FKTN: variants seen among roughly 807,000 people sequenced by gnomAD.
The protein encoded by FKTN is ribitol-5-phosphate transferase FKTN.
In FKTN, 47 loss-of-function variants were observed where a neutral mutation model predicts 58.6. The observed-to-expected ratio is 0.80, with a 90% CI of 0.63 to 1.02. The LOEUF is 1.02. Among genes scored for constraint, FKTN ranks in the 50% least tolerant of loss-of-function variants. The pLI is 0.00. For missense variants in FKTN, 516 were observed against 537.3 expected (o/e 0.96, Z 0.39); for synonymous variants, 178 against 191.9 (o/e 0.93, Z 0.60).
intron 10 of FKTN, among the ~76,000 whole-genome samples, chr9:105,630,347 C>A (rs1321932899): frequency 6.6e-6 from 1 of 152,058 alleles, no homozygotes; most frequent in African/African-American, 2.4e-5. Flanking sequence ...ATAAAATTTT[C>A]TAGAAAAATA....
Position 105,635,421 on chromosome 9 carries a change from T to C in FKTN, c.*157T>C. On this transcript the variant is annotated 3_prime_UTR_variant, in exon 11 of 11. Coordinates refer to ENST00000357998, the MANE Select transcript of FKTN (RefSeq NM_001079802.2). ...GAGTCATCTGATGTAATTCTCTCACTTAGTACTGAGGAATTTTCATGTGCC... is the reference window on the plus strand; with the variant it reads ...GAGTCATCTGATGTAATTCTCTCACCTAGTACTGAGGAATTTTCATGTGCC... 1 of 1,474,404 alleles carries C rather than the reference T, an allele frequency of 6.8e-7. No homozygotes were observed. The highest frequency in any genetic ancestry group is 8.9e-7 in the Non-Finnish European group (1 of 1,119,762). 91.3% of individuals were successfully genotyped at this position (1,474,404 alleles called of 1,614,324 possible).
chr9:105,577,524 C>G (rs1398606241), intron 3 of FKTN, among the ~76,000 whole-genome samples: 1 of 143,498 alleles, frequency 7.0e-6, no homozygotes, highest in African/African-American at 2.7e-5. Flanking sequence ...TTCCATTGAT[C>G]TATATCTCTG....
At chr9:105,593,948 G>C (rs1034430204) in intron 3 of FKTN, among the ~76,000 whole-genome samples, 10 of 152,210 alleles carry the variant, frequency 6.6e-5, no homozygotes, top group Admixed American at 5.9e-4. Flanking sequence ...CCCATTAGGA[G>C]TTTTGCTGTA....
chr9:105,635,502 T>C lies in FKTN; in HGVS notation c.*238T>C, dbSNP rs2133455182. ...CTAGATGAATGAGACAAATACCTACTTCTTTTATTCCTCCTTTTGGTAAAC... is the reference window on the plus strand; with the variant it reads ...CTAGATGAATGAGACAAATACCTACCTCTTTTATTCCTCCTTTTGGTAAAC... On this transcript the variant is annotated 3_prime_UTR_variant, in exon 11 of 11. Coordinates refer to ENST00000357998, the MANE Select transcript of FKTN (RefSeq NM_001079802.2). 8.6e-6 allele frequency: 12 copies of C among 1,389,684 alleles called. No individual in the cohort carries two copies. The South Asian group carries it at 1.9e-4, about 22-fold the overall frequency. 86.1% of individuals were successfully genotyped at this position (1,389,684 alleles called of 1,614,324 possible).
intron 1 of FKTN, among the ~76,000 whole-genome samples, chr9:105,566,723 G>A (rs1417085258): frequency 6.6e-6 from 1 of 152,186 alleles, no homozygotes; most frequent in South Asian, 2.1e-4. Flanking sequence ...GGTACAAGGA[G>A]GAGCTGGTAC....
chr9:105,585,896 G>A (rs1843810705), intron 3 of FKTN, among the ~76,000 whole-genome samples: 1 of 152,132 alleles, frequency 6.6e-6, no homozygotes, highest in Non-Finnish European at 1.5e-5. Flanking sequence ...AGTCATCCTT[G>A]AACTTCAAGG....
At chr9:105,590,882 A>G (rs1450705975) in intron 3 of FKTN, among the ~76,000 whole-genome samples, 1 of 141,798 alleles carries the variant, frequency 7.1e-6, no homozygotes, top group Non-Finnish European at 1.6e-5. Flanking sequence ...ACTTCTGGGG[A>G]GGCCTCAGGA....
intron 1 of FKTN, among the ~76,000 whole-genome samples, chr9:105,572,509 G>T (rs1587847430): frequency 6.6e-6 from 1 of 152,294 alleles, no homozygotes; most frequent in East Asian, 1.9e-4. Context: ...AGAGAATGCT[G>T]GTAGAAAGAG....
chr9:105,593,808 G>A (rs1161172436), intron 3 of FKTN, among the ~76,000 whole-genome samples: 5 of 152,182 alleles, frequency 3.3e-5, no homozygotes, highest in African/African-American at 9.7e-5. Flanking sequence ...AATAAGATAA[G>A]TATTGATAAT....
rs78518608 is a variant in FKTN, at chr9:105,561,282, A to T, written c.-181+3117A>T. On this transcript the variant is annotated intron_variant, in intron 1 of 10. Transcript: ENST00000357998. The stretch of plus-strand genomic sequence containing the variant: ...GAGCAAGACTCCATTTCTTAAAAAA[A>T]TAAAAACTTGTGTTACTTCAAAAAT... Among the ~76,000 whole-genome samples, 1,378 of 152,270 alleles carry T rather than the reference A, an allele frequency of 9.0e-3. 22 individuals carry two copies. Among genetic ancestry groups the T allele is most frequent in the African/African-American group, 0.032 (1,320 of 41,540 alleles).
intron 3 of FKTN, among the ~76,000 whole-genome samples, chr9:105,593,425 G>A (rs984525887): frequency 2.0e-5 from 3 of 152,174 alleles, no homozygotes; most frequent in Admixed American, 1.3e-4. Flanking sequence ...ATTTGGTGGG[G>A]CACAGATCCA....
At chr9:105,561,108 C>A (rs1475081133) in intron 1 of FKTN, among the ~76,000 whole-genome samples, 3 of 149,846 alleles carry the variant, frequency 2.0e-5, no homozygotes, top group Non-Finnish European at 4.5e-5. Context: ...AAAAACAAAA[C>A]AAAAAACAAA....
intron 10 of FKTN, among the ~76,000 whole-genome samples, chr9:105,623,389 C>G (rs919893139): frequency 6.6e-6 from 1 of 152,080 alleles, no homozygotes; most frequent in Non-Finnish European, 1.5e-5. Flanking sequence ...TGAGTCAGAC[C>G]TAGGTGTGTA....
intron 7 of FKTN, among the ~76,000 whole-genome samples, chr9:105,610,478 C>A (rs1014660502): frequency 6.6e-6 from 1 of 152,010 alleles, no homozygotes; most frequent in Non-Finnish European, 1.5e-5. Context: ...CTCCCATTGA[C>A]CTTAATGTTT....
chr9:105,601,417 T>G lies in FKTN; in HGVS notation c.369+69T>G, dbSNP rs1465546143. On this transcript the variant is annotated intron_variant, in intron 5 of 10. Coordinates refer to ENST00000357998, the MANE Select transcript of FKTN (RefSeq NM_001079802.2). ...AAAATAGTATAGGTTTAGGCTAGTT[T>G]AAAATGTAAAACATTAAAAATTTTT... The G allele has an allele frequency of 4.5e-6, 5 of 1,122,062 alleles. No individual in the cohort carries two copies. In the African/African-American group the frequency reaches 7.7e-5, roughly 17 times the overall value. The allele number at this position is 1,122,062 out of a possible 1,614,324, so 69.5% of individuals were successfully genotyped here.
In FKTN at chr9:105,637,117, A is replaced by C; in HGVS notation, c.*1853A>C. On this transcript the variant is annotated 3_prime_UTR_variant, in exon 11 of 11. Transcript: ENST00000357998. ...CTAAATTCATTTTTCATGCTTAAAA[A>C]TAATAGAACAAATAATAATACTATT... The C allele has an allele frequency of 1.0e-6, 1 of 987,434 alleles. No individual in the cohort carries two copies. The highest frequency in any genetic ancestry group is 1.2e-6 in the Non-Finnish European group (1 of 830,584). 61.2% of individuals were successfully genotyped at this position (987,434 alleles called of 1,614,324 possible).
chr9:105,576,024 C>G (rs1008592428), intron 3 of FKTN, among the ~76,000 whole-genome samples: 25 of 151,784 alleles, frequency 1.6e-4, no homozygotes, highest in African/African-American at 6.1e-4. Flanking sequence ...AGCTGACTCA[C>G]AGATTTGTGA....
rs755069239 is a variant in FKTN, at chr9:105,638,571, T to C, written c.*3307T>C. On this transcript the variant is annotated 3_prime_UTR_variant, in exon 11 of 11. Transcript: ENST00000357998. ...CTGTATTTGAAGTCTCTCCCCTTCC[T>C]GAAGTGACCTTTTATGAGGCTCTTT... The C allele has an allele frequency of 1.1e-5, 11 of 985,264 alleles. No homozygotes were observed. The African/African-American group carries it at 1.6e-4, about 14-fold the overall frequency. 61.0% of individuals were successfully genotyped at this position (985,264 alleles called of 1,614,324 possible).
At chr9:105,627,830 G>T (rs536916435) in intron 10 of FKTN, among the ~76,000 whole-genome samples, 1 of 152,196 alleles carries the variant, frequency 6.6e-6, no homozygotes, top group Non-Finnish European at 1.5e-5. Flanking sequence ...GATAAAATCA[G>T]GCCTGGTACA....
Sources: allele counts gnomAD v4.1 joint callset (sites outside exome capture counted in the v4.1 genomes callset), GRCh38; gene constraint gnomAD v4.1.1; transcripts MANE v1.5; gene names NCBI Gene and HGNC (gene_info 2026-07-23, HGNC 2026-07-21).